TMEM268: variants seen among roughly 807,000 people sequenced by gnomAD.
TMEM268 encodes the protein transmembrane protein C9orf91.
A neutral mutation model predicts 39.1 loss-of-function variants in TMEM268; 24 were observed. That is an observed-to-expected ratio of 0.61 (90% confidence interval 0.44 to 0.86). The LOEUF (loss-of-function observed/expected upper bound fraction) is 0.86. TMEM268 is among the 40% of genes least tolerant of loss of function. The pLI is 0.00. For missense variants in TMEM268, 409 were observed against 428.6 expected (o/e 0.95, Z 0.40); for synonymous variants, 176 against 173.5 (o/e 1.01, Z -0.12).
chr9:114,618,968 G>T (rs1382321953), intron 2 of TMEM268, among the ~76,000 whole-genome samples: 2 of 152,212 alleles, frequency 1.3e-5, no homozygotes, highest in African/African-American at 4.8e-5. Context: ...TTGAATGAAA[G>T]AATTAATGAG....
intron 4 of TMEM268, 111 bp from the exon 5 acceptor site, chr9:114,627,990 G>A: frequency 8.6e-7 from 1 of 1,168,432 alleles, no homozygotes; most frequent in Non-Finnish European, 1.3e-6. Context: ...GCTGTGAGCT[G>A]TCTGAATCCA....
intron 8 of TMEM268, among the ~76,000 whole-genome samples, chr9:114,639,822 T>A (rs1341766759): frequency 1.3e-5 from 2 of 149,990 alleles, no homozygotes; most frequent in Non-Finnish European, 3.0e-5. Flanking sequence ...GAGTTCAAGT[T>A]GATCCTTCCG....
intron 6 of TMEM268, among the ~76,000 whole-genome samples, chr9:114,635,576 G>T (rs901165874): frequency 6.6e-6 from 1 of 152,182 alleles, no homozygotes; most frequent in Non-Finnish European, 1.5e-5. Flanking sequence ...CTACTTGGAA[G>T]GCTGAGGTGG....
At chr9:114,626,025 C>G (rs1029890047) in intron 3 of TMEM268, among the ~76,000 whole-genome samples, 1 of 151,960 alleles carries the variant, frequency 6.6e-6, no homozygotes, top group Admixed American at 6.6e-5. Context: ...CAGGGTTTCA[C>G]CATGTTGGCC....
At chr9:114,633,912 C>A in intron 6 of TMEM268, 34 bp downstream of exon 6, 1 of 1,306,048 alleles carries the variant, frequency 7.7e-7, no homozygotes, top group Non-Finnish European at 1.1e-6. Context: ...TTCCTGATGG[C>A]CCAGTTTTAT....
Position 114,643,903 on chromosome 9 carries a change from G to A in TMEM268, c.*590G>A, listed in dbSNP as rs913580315. The A allele has an allele frequency of 6.6e-6, 1 of 152,328 alleles. No individual in the cohort carries two copies. The highest frequency in any genetic ancestry group is 6.5e-5 in the Admixed American group (1 of 15,290). The allele number at this position is 152,328 out of a possible 1,614,324, so 9.4% of individuals were successfully genotyped here. On this transcript the variant is annotated 3_prime_UTR_variant, in exon 9 of 9. Coordinates refer to ENST00000288502, the MANE Select transcript of TMEM268 (RefSeq NM_153045.4). ...TTGTGAAAAGCAGTGGTATGTGTAC[G>A]TGTTGTCTACCAGTACACAGGCTGC...
intron 1 of TMEM268, among the ~76,000 whole-genome samples, chr9:114,613,745 TTTTTG>T (rs373600962): frequency 3.3e-4 from 51 of 152,244 alleles, no homozygotes; most frequent in African/African-American, 8.4e-4. Context: ...GACTCACTCT[TTTTTG>T]TTTTGTTTTG....
intron 7 of TMEM268, among the ~76,000 whole-genome samples, chr9:114,637,468 A>G (rs1203158186): frequency 2.0e-5 from 3 of 151,506 alleles, no homozygotes; most frequent in Admixed American, 6.6e-5. Context: ...AATTTGTTGT[A>G]TTTTTAGTAG....
chr9:114,618,657 C>G (rs770153399), intron 2 of TMEM268, among the ~76,000 whole-genome samples: 1 of 150,884 alleles, frequency 6.6e-6, no homozygotes, highest in African/African-American at 2.4e-5. Flanking sequence ...AGTGAGACTC[C>G]ATCTCAAAAA....
intron 6 of TMEM268, among the ~76,000 whole-genome samples, chr9:114,635,280 T>C (rs1451415215): frequency 3.6e-5 from 5 of 140,748 alleles, no homozygotes; most frequent in African/African-American, 1.3e-4. Context: ...GAGGCAGAGG[T>C]TGCAGTGAGC....
At chr9:114,623,997 G>T in intron 2 of TMEM268, 1 of 209,054 alleles carries the variant, frequency 4.8e-6, no homozygotes, top group Non-Finnish European at 9.8e-6. Flanking sequence ...CCCCCTCAAT[G>T]TAGTTTTTCA....
chr9:114,617,010 G>C lies in TMEM268; in HGVS notation c.-78-108G>C, dbSNP rs150890515. On this transcript the variant is annotated intron_variant, in intron 1 of 8. Transcript: ENST00000288502. Reference sequence around the variant, plus strand: ...AGGCCAAAGTTGGCAAAAAGAGTCCGGGTAACTCTCCCTGGCCTTTGGTGA... The same window carrying C: ...AGGCCAAAGTTGGCAAAAAGAGTCCCGGTAACTCTCCCTGGCCTTTGGTGA... 9.8e-3 allele frequency: 4,840 copies of C among 492,086 alleles called. 176 individuals are homozygous for C. The highest frequency in any genetic ancestry group is 0.08 in the Admixed American group (1,997 of 24,970). 30.5% of individuals were successfully genotyped at this position (492,086 alleles called of 1,614,324 possible). A position where few individuals can be genotyped will look rare whatever the true frequency, so the allele number is the denominator to read the frequency against.
intron 1 of TMEM268, among the ~76,000 whole-genome samples, chr9:114,613,993 CTGTCTGGTGAGCCG>C (rs1252953764): frequency 6.6e-5 from 10 of 152,132 alleles, no homozygotes; most frequent in Non-Finnish European, 1.3e-4. Context: ...GGAAAGGGGC[CTGTCTGGTGAGCCG>C]AGTACTGGAT....
intron 8 of TMEM268, among the ~76,000 whole-genome samples, chr9:114,641,407 G>A (rs1354895194): frequency 6.6e-6 from 1 of 152,190 alleles, no homozygotes; most frequent in Admixed American, 6.5e-5. Context: ...TACATTCAGA[G>A]TGGACACAAG....
chr9:114,615,195 T>C (rs542196951), intron 1 of TMEM268, among the ~76,000 whole-genome samples: 1 of 152,028 alleles, frequency 6.6e-6, no homozygotes, highest in Non-Finnish European at 1.5e-5. Flanking sequence ...CCGTGCTGGG[T>C]GGTGTCACTG....
At chr9:114,606,662 C>T (rs1465126417), upstream of TMEM268, among the ~76,000 whole-genome samples, 2 of 152,052 alleles carry the variant, frequency 1.3e-5, no homozygotes, top group African/African-American at 2.4e-5. Context: ...GATTAGGAAA[C>T]TGAGGCTACA....
intron 7 of TMEM268, among the ~76,000 whole-genome samples, chr9:114,637,344 G>T (rs1466182676): frequency 2.7e-5 from 4 of 148,354 alleles, no homozygotes; most frequent in Admixed American, 6.8e-5. Flanking sequence ...CCAGACTGGA[G>T]TGCAGTAGAG....
At chr9:114,604,979 C>G in the TMEM268 span, among the ~76,000 whole-genome samples, 1 of 152,220 alleles carries the variant, frequency 6.6e-6, no homozygotes, top group Middle Eastern at 3.2e-3. Flanking sequence ...GCTCTGCCTT[C>G]AGGCTTTTCT....
intron 5 of TMEM268, among the ~76,000 whole-genome samples, chr9:114,628,581 G>T (rs1285657595): frequency 1.3e-5 from 2 of 152,116 alleles, no homozygotes; most frequent in Non-Finnish European, 2.9e-5. Context: ...ACAGCCCTAT[G>T]AACAAGGGAG....
Sources: allele counts gnomAD v4.1 joint callset (sites outside exome capture counted in the v4.1 genomes callset), GRCh38; gene constraint gnomAD v4.1.1; transcripts MANE v1.5; gene names NCBI Gene and HGNC (gene_info 2026-07-23, HGNC 2026-07-21).